Variants in CERS1 observed in about 807,000 individuals in gnomAD.
CERS1 encodes Embryonic growth/differentiation factor 1.
In CERS1, 16 loss-of-function variants were observed where a neutral mutation model predicts 35.7. The ratio of observed to expected loss-of-function variants is 0.45; its 90% CI spans 0.30 to 0.68. The LOEUF (loss-of-function observed/expected upper bound fraction) is 0.68. Ranked by LOEUF, CERS1 falls within the 30% of genes least tolerant of loss-of-function variation. The pLI, the probability that CERS1 is intolerant of heterozygous loss-of-function variation, is 0.08. For missense variants in CERS1, 454 were observed against 453.9 expected (o/e 1.00, Z 0.00); for synonymous variants, 243 against 201.6 (o/e 1.21, Z -1.74).
At chr19:18,881,208 C>T (rs996223514) in intron 3 of CERS1, among the ~76,000 whole-genome samples, 1 of 146,918 alleles carries the variant, frequency 6.8e-6, no homozygotes, top group African/African-American at 2.5e-5. Context: ...CATCAGGATC[C>T]TTTTTTTTTT....
chr19:18,884,056 T>A, intron 3 of CERS1, 31 bp downstream of exon 3: 1 of 1,598,596 alleles, frequency 6.3e-7, no homozygotes, highest in Non-Finnish European at 8.5e-7. Flanking sequence ...GGGCTGTGCC[T>A]CGGCCCCCTG....
chr19:18,877,936 T>C, intron 6 of CERS1: 1 of 978,752 alleles, frequency 1.0e-6, no homozygotes, highest in Non-Finnish European at 1.2e-6. Flanking sequence ...TTCTTTTATT[T>C]CTGTTTCATC....
chr19:18,885,566 C>T (rs1311123658), intron 2 of CERS1, among the ~76,000 whole-genome samples: 6 of 144,992 alleles, frequency 4.1e-5, no homozygotes, highest in African/African-American at 1.3e-4. Context: ...GTAGCCCAGG[C>T]TGGAGTGCAG....
chr19:18,895,532 T>A lies in CERS1; in HGVS notation c.249+292A>T, dbSNP rs1159272145. 1.3e-5 allele frequency among the ~76,000 whole-genome samples: 2 copies of A among 151,338 alleles called. No individual in the cohort carries two copies. Among genetic ancestry groups the A allele is most frequent in the Non-Finnish European group, 2.9e-5 (2 of 67,882 alleles). ...TCCCCCACGTCTCAAACATCCCACC[T>A]GTCTCGGGCCCCCCATGTCCCAGAC... is the stretch of plus-strand genomic sequence containing the variant. On this transcript the variant is annotated intron_variant, in intron 1 of 7. Coordinates refer to ENST00000623882, the MANE Select transcript of CERS1 (RefSeq NM_021267.5). The surrounding 1 kb of genome is among the most constrained non-coding windows in gnomAD (Gnocchi z 6.4).
chr19:18,895,301 GCAGCGGAC>G lies in CERS1; in HGVS notation c.249+515_249+522del, dbSNP rs1485612150. On this transcript the variant is annotated intron_variant, in intron 1 of 7. Transcript: ENST00000623882. The surrounding 1 kb of genome is among the most constrained non-coding windows in gnomAD (Gnocchi z 6.4). ...GCCGCACGGACCCAGCAGAAAACGG[GCAGCGGAC>G]CTCGCTCCGGGCCGGGGCGCAGCCC... 3.3e-5 allele frequency among the ~76,000 whole-genome samples: 5 copies of G among 152,200 alleles called. No homozygotes were observed. The highest frequency in any genetic ancestry group is 7.4e-5 in the Non-Finnish European group (5 of 68,026).
Position 18,895,956 on chromosome 19 carries a change from G to C in CERS1, c.117C>G (p.Asp39Glu). Reference protein sequence around the residue: ...SALAAARGCTDCGWGLARRGL... With the variant: ...SALAAARGCTECGWGLARRGL... ...CGCGACGCGCCAGCCCCCAGCCGCA[G>C]TCCGTGCAGCCCCGCGCCGCCGCCA... The change falls in exon 1 of 8, where the codon GAC becomes GAG. Residue 39 changes from aspartate (D) to glutamate (E), a missense_variant. Physicochemically the swap from Asp to Glu is conservative, Grantham distance 45 (BLOSUM62 2). Transcript: ENST00000623882. This position sits in a 1 kb window ranked among gnomAD's most constrained non-coding sequence, Gnocchi z 6.4. 1 of 1,142,702 alleles carries C rather than the reference G, an allele frequency of 8.8e-7. No homozygotes were observed. The highest frequency in any genetic ancestry group is 2.5e-5 in the South Asian group (1 of 39,454). 70.8% of individuals were successfully genotyped at this position (1,142,702 alleles called of 1,614,324 possible). A position where few individuals can be genotyped will look rare whatever the true frequency, so the allele number is the denominator to read the frequency against.
Position 18,869,135 on chromosome 19 carries a change from A to G in CERS1, c.*850T>C. 1 of 1,104,732 alleles carries G rather than the reference A, an allele frequency of 9.1e-7. No individual in the cohort carries two copies. The highest frequency in any genetic ancestry group is 3.3e-5 in the South Asian group (1 of 30,604). The allele number at this position is 1,104,732 out of a possible 1,614,324, so 68.4% of individuals were successfully genotyped here. On this transcript the variant is annotated 3_prime_UTR_variant, in exon 8 of 8. Transcript: ENST00000623882. ...AGCGGCGCCCAGCAGCTCCGCGCGC[A>G]CTGGCGGCCCCAGGGCGGGCACCAA... is the stretch of plus-strand genomic sequence containing the variant.
Position 18,895,783 on chromosome 19 carries a change from C to T in CERS1, c.249+41G>A. ...CCAGGTCCCCGGTCCCGGCTTCCCC[C>T]AGTCCGGGGTCCCCTCGTCCCGGCC... On this transcript the variant is annotated intron_variant, in intron 1 of 7. Transcript: ENST00000623882. The surrounding 1 kb of genome is among the most constrained non-coding windows in gnomAD (Gnocchi z 6.4). The T allele has an allele frequency of 8.9e-7, 1 of 1,125,202 alleles. No homozygotes were observed. Among genetic ancestry groups the T allele is most frequent in the South Asian group, 2.5e-5 (1 of 39,290 alleles). The allele number at this position is 1,125,202 out of a possible 1,614,324, so 69.7% of individuals were successfully genotyped here. A position where few individuals can be genotyped will look rare whatever the true frequency, so the allele number is the denominator to read the frequency against.
At position 18,882,537 on chromosome 19, in the gene CERS1, C is replaced by T. The variant is rs529123055; in HGVS notation, c.590+1550G>A. Among the ~76,000 whole-genome samples, 4 of 151,422 alleles carry T rather than the reference C, an allele frequency of 2.6e-5. No individual in the cohort carries two copies. In the East Asian group the frequency reaches 6.0e-4, roughly 23 times the overall value. On this transcript the variant is annotated intron_variant, in intron 3 of 7. Transcript: ENST00000623882. ...ATCCCAGCTACTTGGGAGGCTGAGG[C>T]GAGGCGGGAGGATTGCTTGAACCTG... is the stretch of plus-strand genomic sequence containing the variant.
chr19:18,871,584 A>G (rs2055972134), intron 6 of CERS1, among the ~76,000 whole-genome samples: 1 of 152,168 alleles, frequency 6.6e-6, no homozygotes, highest in Non-Finnish European at 1.5e-5. Context: ...TGAGGTTGCT[A>G]TGTTGTCCAG....
At chr19:18,893,814 G>A (rs1011541962) in intron 1 of CERS1, among the ~76,000 whole-genome samples, 18 of 152,102 alleles carry the variant, frequency 1.2e-4, no homozygotes, top group East Asian at 1.9e-4. Context: ...GGGAGGCCCC[G>A]AGGGGAGCAG....
In CERS1 at chr19:18,884,328, G is replaced by A. The variant is rs549373243; in HGVS notation, c.410-61C>T. ...GAAGCCTCTAGACGATCGCCTCCATGACCCGGTGACACCCTCCAAGCCACA... is the reference window on the plus strand; with the variant it reads ...GAAGCCTCTAGACGATCGCCTCCATAACCCGGTGACACCCTCCAAGCCACA... On this transcript the variant is annotated intron_variant, in intron 2 of 7. Coordinates refer to ENST00000623882, the MANE Select transcript of CERS1 (RefSeq NM_021267.5). 92 of 1,491,638 alleles carry A rather than the reference G, an allele frequency of 6.2e-5. 1 individual carries two copies. In the South Asian group the frequency reaches 1.0e-3, roughly 17 times the overall value. The allele number at this position is 1,491,638 out of a possible 1,614,324, so 92.4% of individuals were successfully genotyped here.
chr19:18,874,630 CAG>C (rs2056030261), intron 6 of CERS1, among the ~76,000 whole-genome samples: 1 of 152,184 alleles, frequency 6.6e-6, no homozygotes, highest in African/African-American at 2.4e-5. Flanking sequence ...GGACTTTGGA[CAG>C]AGGGGCTGAG....
At chr19:18,883,542 A>AG (rs1491552532) in intron 3 of CERS1, among the ~76,000 whole-genome samples, 8 of 149,408 alleles carry the variant, frequency 5.4e-5, no homozygotes, top group Non-Finnish European at 1.2e-4. Flanking sequence ...CAAAAAAAAA[A>AG]GAGAGAGAGA....
chr19:18,891,823 C>T (rs759225434), intron 2 of CERS1, among the ~76,000 whole-genome samples: 3 of 151,790 alleles, frequency 2.0e-5, no homozygotes, highest in African/African-American at 7.3e-5. Context: ...CTCCCACCTC[C>T]GCCTCCCAAA....
In CERS1 at chr19:18,869,248, C is replaced by A; in HGVS notation, c.*737G>T. ...GCTCCCAGCCGCCCTCCGGGGCTGC[C>A]GCCGCCGCCGCCGCGAAACGCAGCT... On this transcript the variant is annotated 3_prime_UTR_variant, in exon 8 of 8. Coordinates refer to ENST00000623882, the MANE Select transcript of CERS1 (RefSeq NM_021267.5). 7.3e-7 allele frequency: 1 copy of A among 1,361,324 alleles called. No individual in the cohort carries two copies. The highest frequency in any genetic ancestry group is 3.2e-5 in the East Asian group (1 of 30,992). The allele number at this position is 1,361,324 out of a possible 1,614,324, so 84.3% of individuals were successfully genotyped here.
intron 6 of CERS1, among the ~76,000 whole-genome samples, chr19:18,873,853 A>AAAAG (rs972300903): frequency 2.6e-5 from 4 of 151,522 alleles, no homozygotes; most frequent in Admixed American, 2.0e-4. Context: ...AAAAAAAAAA[A>AAAAG]AAAGAAGAAG....
intron 3 of CERS1, chr19:18,881,767 C>CTCTGCTAA (rs2056215865): frequency 6.6e-6 from 1 of 151,226 alleles, no homozygotes; most frequent in South Asian, 2.1e-4. Flanking sequence ...TCCTTTCAGT[C>CTCTGCTAA]TCTGCTCATC....
intron 2 of CERS1, among the ~76,000 whole-genome samples, chr19:18,884,706 C>T (rs1372670393): frequency 2.5e-4 from 27 of 106,614 alleles, no homozygotes; most frequent in Non-Finnish European, 7.4e-5. Flanking sequence ...CCCGCCCAGC[C>T]GTCTTTTTTT....
Sources: allele counts gnomAD v4.1 joint callset (sites outside exome capture counted in the v4.1 genomes callset), GRCh38; gene constraint gnomAD v4.1.1; non-coding constraint Gnocchi (gnomAD v3.1); transcripts MANE v1.5; gene names NCBI Gene and HGNC (gene_info 2026-07-23, HGNC 2026-07-21).